The following SLC2A11 variants were observed in gnomAD, a reference collection of about 807,000 sequenced individuals.
SLC2A11 encodes solute carrier family 2 member 11.
In SLC2A11, 43 loss-of-function variants were observed where a neutral mutation model predicts 52.1. The observed-to-expected ratio is 0.82, with a 90% CI of 0.65 to 1.06. The LOEUF (loss-of-function observed/expected upper bound fraction) is 1.06. Among genes scored for constraint, SLC2A11 ranks in the 50% least tolerant of loss-of-function variants. SLC2A11 has a pLI of 0.00. For missense variants in SLC2A11, 582 were observed against 654.2 expected (o/e 0.89, Z 1.20); for synonymous variants, 261 against 277.6 (o/e 0.94, Z 0.59).
At chr22:23,858,086 G>C (rs1404288195) in intron 1 of SLC2A11, 57 bp downstream of exon 1, 3 of 1,550,892 alleles carry the variant, frequency 1.9e-6, no homozygotes, top group Non-Finnish European at 1.7e-6. Flanking sequence ...TTGCGGACCT[G>C]AGTGAACTGC....
At position 23,886,081 on chromosome 22, in the gene SLC2A11, G is replaced by A. The variant is rs1422639656; in HGVS notation, c.*1232G>A. ...GATTTGCCTTTTTTCAGAATCTGAA[G>A]TCATTCCGTACTGTATGTACACATT... On this transcript the variant is annotated 3_prime_UTR_variant, in exon 12 of 12. Transcript: ENST00000316185. 6.6e-6 allele frequency: 1 copy of A among 152,204 alleles called. No homozygotes were observed. The highest frequency in any genetic ancestry group is 2.4e-5 in the African/African-American group (1 of 41,456). 9.4% of individuals were successfully genotyped at this position (152,204 alleles called of 1,614,324 possible).
chr22:23,857,142 G>A, upstream of SLC2A11: 1 of 1,128,616 alleles, frequency 8.9e-7, no homozygotes, highest in Non-Finnish European at 1.3e-6. Flanking sequence ...TCCGGAGAAC[G>A]CCCAGGGGCA....
intron 3 of SLC2A11, 193 bp downstream of exon 3, chr22:23,868,834 T>C: frequency 1.6e-6 from 1 of 614,518 alleles, no homozygotes; most frequent in South Asian, 2.5e-5. Flanking sequence ...CAAACAGTCC[T>C]GTGCTACAAG....
At position 23,857,972 on chromosome 22, in the gene SLC2A11, A is replaced by G; in HGVS notation, c.-28A>G. The G allele has an allele frequency of 6.3e-7, 1 of 1,592,202 alleles. No homozygotes were observed. Among genetic ancestry groups the G allele is most frequent in the South Asian group, 1.1e-5 (1 of 87,448 alleles). On this transcript the variant is annotated 5_prime_UTR_variant, in exon 1 of 12. Coordinates refer to ENST00000316185, the MANE Select transcript of SLC2A11 (RefSeq NM_001024939.4). ...GCAGCCGGGGTCTCCCTGGGACAGCAAGACCTCCGCTCAGGCCCCTCTTTC... is the reference window on the plus strand; with the variant it reads ...GCAGCCGGGGTCTCCCTGGGACAGCGAGACCTCCGCTCAGGCCCCTCTTTC...
At chr22:23,865,004 G>A (rs1364602392) in intron 2 of SLC2A11, among the ~76,000 whole-genome samples, 1 of 151,686 alleles carries the variant, frequency 6.6e-6, no homozygotes, top group Non-Finnish European at 1.5e-5. Flanking sequence ...CTCCTCCAGA[G>A]GCTGAGGCAG....
At chr22:23,869,791 A>C in intron 3 of SLC2A11, 5 of 541,348 alleles carry the variant, frequency 9.2e-6, no homozygotes, top group Non-Finnish European at 3.2e-6. Context: ...CACCCAGCAG[A>C]TGCAGTGTAC....
intron 2 of SLC2A11, among the ~76,000 whole-genome samples, chr22:23,864,759 G>A (rs1422416394): frequency 6.6e-6 from 1 of 152,154 alleles, no homozygotes; most frequent in Non-Finnish European, 1.5e-5. Flanking sequence ...GACTTTCCTA[G>A]GCTCAGAGGC....
upstream of SLC2A11, chr22:23,857,754 C>G (rs541707729): frequency 3.3e-5 from 45 of 1,353,036 alleles, no homozygotes; most frequent in African/African-American, 1.8e-4. Flanking sequence ...TCCCGGCCAT[C>G]GTTTAGCGTT....
At position 23,882,572 on chromosome 22, in the gene SLC2A11, C is replaced by G. The variant is rs2032856191; in HGVS notation, c.808C>G (p.His270Asp). The stretch of plus-strand genomic sequence containing the variant: ...CCGGCGCCCATGGGAGCTGTTCCAG[C>G]ATCGGGCCCTGAGGAGACAGGTGAC... ...RARRPWELFQ[H>D]RALRRQVTSL... is the part of the protein sequence containing the mutation. The change falls in exon 7 of 12, where the codon CAT becomes GAT. Residue 270 changes from histidine to aspartate, a missense_variant. Physicochemically the swap from His to Asp is moderately conservative, Grantham distance 81 (BLOSUM62 -1). Coordinates refer to ENST00000316185, the MANE Select transcript of SLC2A11 (RefSeq NM_001024939.4). 1 of 1,612,990 alleles carries G rather than the reference C, an allele frequency of 6.2e-7. No individual in the cohort carries two copies.
chr22:23,857,131 C>A (rs1257403826), upstream of SLC2A11: 6 of 1,201,260 alleles, frequency 5.0e-6, no homozygotes, highest in African/African-American at 7.6e-5. Context: ...GGGCTTGGCC[C>A]TCCGGAGAAC....
intron 1 of SLC2A11, among the ~76,000 whole-genome samples, chr22:23,859,453 GC>G (rs553158548): frequency 7.2e-4 from 109 of 151,202 alleles, no homozygotes; most frequent in Non-Finnish European, 1.4e-3. Context: ...GCTGTATCTT[GC>G]CCCCCAGCAC....
chr22:23,868,987 G>T lies in SLC2A11; in HGVS notation c.290+346G>T, dbSNP rs17004022. ...ATTTCAAAGAATACAAACTGACTCT[G>T]ATAACAGAATCAAAAATGTAATAGC... On this transcript the variant is annotated intron_variant, in intron 3 of 11. Coordinates refer to ENST00000316185, the MANE Select transcript of SLC2A11 (RefSeq NM_001024939.4). 889 of 243,606 alleles carry T rather than the reference G, an allele frequency of 3.6e-3. 12 individuals carry two copies. The highest frequency in any genetic ancestry group is 0.018 in the African/African-American group (809 of 45,344). 15.1% of individuals were successfully genotyped at this position (243,606 alleles called of 1,614,324 possible). A position where few individuals can be genotyped will look rare whatever the true frequency, so the allele number is the denominator to read the frequency against.
chr22:23,866,154 G>A (rs1320112543), intron 2 of SLC2A11: 1 of 150,104 alleles, frequency 6.7e-6, no homozygotes, highest in African/African-American at 2.5e-5. Flanking sequence ...GGACAACAGA[G>A]GGAGACACTA....
intron 6 of SLC2A11, chr22:23,882,116 ACAGG>A (rs2032827830): frequency 2.6e-6 from 1 of 378,044 alleles, no homozygotes; most frequent in East Asian, 4.7e-5. Context: ...ATTGAGAAAG[ACAGG>A]CAGAGAGAGA....
chr22:23,868,395 T>C, intron 2 of SLC2A11, 86 bp from the exon 3 acceptor site: 1 of 1,521,230 alleles, frequency 6.6e-7, no homozygotes, highest in Non-Finnish European at 9.0e-7. Context: ...TGCAGAGGCA[T>C]GGAGCCCTGT....
chr22:23,858,289 C>G (rs141251695), intron 1 of SLC2A11: 268 of 633,100 alleles, frequency 4.2e-4, no homozygotes, highest in African/African-American at 4.1e-3. Context: ...AATCCTCTGC[C>G]GATCAGCCCT....
chr22:23,861,408 T>C (rs1048476364), intron 1 of SLC2A11, among the ~76,000 whole-genome samples: 3 of 151,724 alleles, frequency 2.0e-5, no homozygotes, highest in African/African-American at 7.3e-5. Flanking sequence ...CACTGTCCTT[T>C]TGTGTACCAA....
At chr22:23,868,687 G>T (rs775362695) in intron 3 of SLC2A11, 46 bp downstream of exon 3, 1 of 1,602,630 alleles carries the variant, frequency 6.2e-7, no homozygotes, top group Non-Finnish European at 8.5e-7. Flanking sequence ...AATGAGGAGC[G>T]CTGCAGCCTG....
intron 1 of SLC2A11, among the ~76,000 whole-genome samples, chr22:23,861,710 G>A (rs1002104059): frequency 1.3e-5 from 2 of 152,226 alleles, no homozygotes; most frequent in Non-Finnish European, 2.9e-5. Flanking sequence ...TTTTCCTGGG[G>A]CAAGTCAGAG....
Sources: gnomAD v4.1 joint callset for allele counts (sites outside exome capture counted in the v4.1 genomes callset) on GRCh38, gnomAD v4.1.1 for gene constraint, MANE v1.5 for transcripts, NCBI Gene and HGNC (gene_info 2026-07-23, HGNC 2026-07-21) for gene names.